RBM19: variants seen among roughly 807,000 people sequenced by gnomAD.
RBM19 encodes probable RNA-binding protein 19.
RBM19 carries 94 observed loss-of-function variants against 116.8 expected under a neutral mutation model. The ratio of observed to expected loss-of-function variants is 0.80; its 90% confidence interval spans 0.68 to 0.95. The LOEUF is 0.95. Ranked by LOEUF, RBM19 falls within the 40% of genes least tolerant of loss-of-function variation. The pLI is 0.00. For missense variants in RBM19, 1,161 were observed against 1,220.7 expected (o/e 0.95, Z 0.73); for synonymous variants, 475 against 494.1 (o/e 0.96, Z 0.51).
chr12:113,918,341 C>G, intron 20 of RBM19, 51 bp downstream of exon 20: 1 of 1,598,348 alleles, frequency 6.3e-7, no homozygotes, highest in Non-Finnish European at 8.6e-7. Flanking sequence ...CGGCACCAAG[C>G]ACAGGAAGCC....
At chr12:113,858,510 T>C (rs1335605396) in intron 22 of RBM19, among the ~76,000 whole-genome samples, 1 of 152,194 alleles carries the variant, frequency 6.6e-6, no homozygotes, top group Non-Finnish European at 1.5e-5. Context: ...TGGAGAGGCC[T>C]GGGAAACCCA....
At chr12:113,917,813 T>A (rs1388371212) in intron 20 of RBM19, among the ~76,000 whole-genome samples, 1 of 151,448 alleles carries the variant, frequency 6.6e-6, no homozygotes, top group Non-Finnish European at 1.5e-5. Flanking sequence ...ATAGTTCATT[T>A]AGATATACAA....
In RBM19 at chr12:113,960,136, C is replaced by A; in HGVS notation, c.262G>T (p.Ala88Ser). 1.2e-6 allele frequency: 2 copies of A among 1,614,108 alleles called. No individual in the cohort carries two copies. Among genetic ancestry groups the A allele is most frequent in the Non-Finnish European group, 1.7e-6 (2 of 1,180,034 alleles). ...KSFGDPAKPRAWSKHAQKPSQ... is the reference protein window; with the variant it reads ...KSFGDPAKPRSWSKHAQKPSQ... Reference sequence around the variant, plus strand: ...GGTTTCTGGGCATGTTTGCTCCAGGCTCTGGGTTTGGCCGGGTCCCCGAAT... The same window carrying A: ...GGTTTCTGGGCATGTTTGCTCCAGGATCTGGGTTTGGCCGGGTCCCCGAAT... Residue 88 changes from alanine (A) to serine (S), a missense_variant, in exon 3 of 24, where the codon GCC (alanine) becomes TCC (serine). Ala to Ser is a moderately conservative substitution (Grantham distance 99). Transcript: ENST00000261741.
chr12:113,861,434 G>A (rs1281857225), intron 21 of RBM19, among the ~76,000 whole-genome samples: 1 of 150,324 alleles, frequency 6.7e-6, no homozygotes, highest in Non-Finnish European at 1.5e-5. Context: ...TCCCTTGATG[G>A]TCTCAATGAC....
intron 22 of RBM19, among the ~76,000 whole-genome samples, chr12:113,852,913 G>A (rs3782434): frequency 0.23 from 35,479 of 152,172 alleles, 4,355 homozygotes; most frequent in Middle Eastern, 0.31. Context: ...ATCTAATAGC[G>A]ATGGTTTACT....
At chr12:113,879,710 C>T (rs1011034470) in intron 21 of RBM19, among the ~76,000 whole-genome samples, 1 of 152,066 alleles carries the variant, frequency 6.6e-6, no homozygotes, top group Non-Finnish European at 1.5e-5. Context: ...TCACTTGCTT[C>T]CCTTCCTCCC....
chr12:113,934,500 C>T (rs1355486605), intron 16 of RBM19, among the ~76,000 whole-genome samples: 1 of 152,174 alleles, frequency 6.6e-6, no homozygotes, highest in African/African-American at 2.4e-5. Context: ...CTCTTGGGTT[C>T]ACTCACACAC....
intron 21 of RBM19, among the ~76,000 whole-genome samples, chr12:113,907,830 C>T (rs1023832502): frequency 6.6e-6 from 1 of 152,172 alleles, no homozygotes; most frequent in African/African-American, 2.4e-5. Flanking sequence ...TTGGAAATAC[C>T]TCATCAAGGT....
At position 113,850,604 on chromosome 12, in the gene RBM19, GCTTCC is replaced by G. The variant is rs531445462; in HGVS notation, c.2665-5821_2665-5817del. Among the ~76,000 whole-genome samples the G allele has an allele frequency of 3.8e-4, 58 of 152,376 alleles. No individual in the cohort carries two copies. In the South Asian group the frequency reaches 0.011, roughly 30 times the overall value. On this transcript the variant is annotated intron_variant, in intron 22 of 23. Transcript: ENST00000261741. Reference sequence around the variant, plus strand: ...CAGCACTGGGCCTGACCTTTCTGCAGCTTCCCTGGAGACAGACCTCCTCTCAGCAA... The same window carrying G: ...CAGCACTGGGCCTGACCTTTCTGCAGCTGGAGACAGACCTCCTCTCAGCAA...
intron 16 of RBM19, among the ~76,000 whole-genome samples, chr12:113,935,882 A>G (rs1870012386): frequency 6.6e-6 from 1 of 152,122 alleles, no homozygotes; most frequent in Non-Finnish European, 1.5e-5. Flanking sequence ...AAAAATACAA[A>G]AAAATTAGCC....
Position 113,858,850 on chromosome 12 carries a change from C to T in RBM19, c.2605G>A (p.Gly869Arg). The T allele has an allele frequency of 6.2e-7, 1 of 1,614,150 alleles. No individual in the cohort carries two copies. Among genetic ancestry groups the T allele is most frequent in the Non-Finnish European group, 8.5e-7 (1 of 1,180,022 alleles). The change falls in exon 22 of 24, where the codon GGG becomes AGG. Residue 869 changes from glycine (G) to arginine (R), a missense_variant. Physicochemically the swap from Gly to Arg is moderately radical, Grantham distance 125. Coordinates refer to ENST00000261741, the MANE Select transcript of RBM19 (RefSeq NM_016196.4). ...KTVRLPKKMTGTGTHRGFGFV... is the reference protein window; with the variant it reads ...KTVRLPKKMTRTGTHRGFGFV... The stretch of plus-strand genomic sequence containing the variant: ...CCGAAGCCTCTGTGTGTGCCTGTCC[C>T]AGTCATCTTCTTTGGCAGGCGGACC...
chr12:113,915,009 G>C lies in RBM19; in HGVS notation c.2518C>G (p.Pro840Ala). Residue 840 changes from proline to alanine, a missense_variant, in exon 21 of 24, where the codon CCC (proline) becomes GCC (alanine). Physicochemically the swap from Pro to Ala is conservative, Grantham distance 27. Transcript: ENST00000261741. ...ATCTCCCGGCTGTGGGCCTGGAAGG[G>C]GATGTTCCGCACCAGGATCTTGGAG... ...TTSKILVRNI[P>A]FQAHSREIRE... 6.2e-7 allele frequency: 1 copy of C among 1,614,206 alleles called. No homozygotes were observed. The highest frequency in any genetic ancestry group is 8.5e-7 in the Non-Finnish European group (1 of 1,180,030).
At chr12:113,949,365 G>A (rs572186303) in intron 9 of RBM19, among the ~76,000 whole-genome samples, 2 of 152,184 alleles carry the variant, frequency 1.3e-5, no homozygotes, top group African/African-American at 2.4e-5. Flanking sequence ...AAGGGTCTTA[G>A]GTGACAGCCC....
chr12:113,917,292 T>C (rs1256592575), intron 20 of RBM19, among the ~76,000 whole-genome samples: 2 of 152,254 alleles, frequency 1.3e-5, no homozygotes, highest in Non-Finnish European at 2.9e-5. Flanking sequence ...TCATGGGCAC[T>C]GCAAGTGCTG....
At chr12:113,841,189 G>A (rs559976311) in intron 23 of RBM19, among the ~76,000 whole-genome samples, 1 of 152,294 alleles carries the variant, frequency 6.6e-6, no homozygotes, top group Non-Finnish European at 1.5e-5. Context: ...TCTGTACAAT[G>A]GGGACAATGA....
chr12:113,954,178 A>C (rs1310357711), intron 7 of RBM19, among the ~76,000 whole-genome samples: 3 of 152,234 alleles, frequency 2.0e-5, no homozygotes, highest in East Asian at 3.8e-4. Flanking sequence ...AAGAGTTCCC[A>C]GTAAATGATT....
At chr12:113,838,093 A>T (rs547649348) in intron 23 of RBM19, among the ~76,000 whole-genome samples, 24 of 152,366 alleles carry the variant, frequency 1.6e-4, no homozygotes, top group African/African-American at 5.3e-4. Flanking sequence ...CAACGATTCC[A>T]GTTCAGGGCT....
In RBM19 at chr12:113,952,535, C is replaced by G. The variant is rs1184959007; in HGVS notation, c.977G>C (p.Arg326Thr). The G allele has an allele frequency of 6.2e-7, 1 of 1,613,818 alleles. No homozygotes were observed. Among genetic ancestry groups the G allele is most frequent in the Non-Finnish European group, 8.5e-7 (1 of 1,179,856 alleles). ...PLKPVAIRIV[R>T]NAHGNKTGYI... ...ACCTGTTTTATTCCCATGAGCGTTT[C>G]TCACAATTCGAATGGCCACTGGTTT... Residue 326 changes from arginine to threonine, a missense_variant, in exon 8 of 24, where the codon AGA (arginine) becomes ACA (threonine). Physicochemically the swap from Arg to Thr is moderately conservative, Grantham distance 71. Coordinates refer to ENST00000261741, the MANE Select transcript of RBM19 (RefSeq NM_016196.4).
intron 21 of RBM19, among the ~76,000 whole-genome samples, chr12:113,874,388 G>T (rs1363288302): frequency 6.6e-6 from 1 of 152,204 alleles, no homozygotes; most frequent in African/African-American, 2.4e-5. Context: ...GGAGGAAGCG[G>T]CACTTGCTGA....
Sources: gnomAD v4.1 joint callset for allele counts (sites outside exome capture counted in the v4.1 genomes callset) on GRCh38, gnomAD v4.1.1 for gene constraint, MANE v1.5 for transcripts, NCBI Gene and HGNC (gene_info 2026-07-23, HGNC 2026-07-21) for gene names.